Variants in PCDHA6 observed in about 807,000 individuals in gnomAD.
PCDHA6 encodes the protein protocadherin alpha-6.
In PCDHA6, 55 loss-of-function variants were observed where a neutral mutation model predicts 60.3. That is an observed-to-expected ratio of 0.91 (90% confidence interval 0.73 to 1.14). The LOEUF (loss-of-function observed/expected upper bound fraction) is 1.14. Among genes scored for constraint, PCDHA6 ranks in the 50% most tolerant of loss-of-function variants. PCDHA6 has a pLI of 0.00. For missense variants in PCDHA6, 1,327 were observed against 1,256.5 expected (o/e 1.06, Z -0.85); for synonymous variants, 652 against 557.9 (o/e 1.17, Z -2.38).
chr5:140,885,051 A>G (rs2060446316), intron 1 of PCDHA6, among the ~76,000 whole-genome samples: 1 of 152,230 alleles, frequency 6.6e-6, no homozygotes, highest in Non-Finnish European at 1.5e-5. Context: ...TAATGTATAC[A>G]TATACCCACA....
At chr5:140,837,760 T>C (rs1554136627) in intron 1 of PCDHA6, among the ~76,000 whole-genome samples, 1 of 151,798 alleles carries the variant, frequency 6.6e-6, no homozygotes, top group African/African-American at 2.4e-5. Context: ...CACTGCAACC[T>C]GAAAGTCCTG....
chr5:140,885,556 G>A (rs1317413722), intron 1 of PCDHA6, among the ~76,000 whole-genome samples: 22 of 152,018 alleles, frequency 1.4e-4, no homozygotes, highest in African/African-American at 5.3e-4. Flanking sequence ...TTATTTCTAC[G>A]AAATTGATTG....
At chr5:140,902,914 G>A (rs560076660) in intron 1 of PCDHA6, among the ~76,000 whole-genome samples, 14 of 152,306 alleles carry the variant, frequency 9.2e-5, no homozygotes, top group African/African-American at 2.9e-4. Context: ...TGGCTGAGTA[G>A]TATTGCATGG....
At chr5:140,834,589 A>C (rs782018607) in intron 1 of PCDHA6, 8 of 1,614,090 alleles carry the variant, frequency 5.0e-6, no homozygotes, top group Non-Finnish European at 6.8e-6. Context: ...GCGGTGTGCA[A>C]ATTCCGTGGG....
At chr5:140,874,117 T>C (rs1349618614) in intron 1 of PCDHA6, among the ~76,000 whole-genome samples, 2 of 152,248 alleles carry the variant, frequency 1.3e-5, no homozygotes, top group Admixed American at 1.3e-4. Context: ...TAACGTTTTA[T>C]AGTTTATTTA....
chr5:140,852,579 TTTA>T, intron 1 of PCDHA6: 2 of 849,052 alleles, frequency 2.4e-6, no homozygotes, highest in African/African-American at 1.9e-5. Flanking sequence ...CCAAGGCTTT[TTTA>T]TTTTTTTTTT....
intron 1 of PCDHA6, among the ~76,000 whole-genome samples, chr5:140,948,721 A>G (rs1392170905): frequency 2.0e-5 from 3 of 151,530 alleles, no homozygotes; most frequent in African/African-American, 7.2e-5. Flanking sequence ...CTTTTTTATC[A>G]ATAAGTCTAG....
chr5:140,928,597 A>G (rs1554206042), intron 1 of PCDHA6: 1 of 1,614,226 alleles, frequency 6.2e-7, no homozygotes, highest in East Asian at 2.2e-5. Context: ...CCCAGTGGAA[A>G]TTGTGCCCCG....
intron 1 of PCDHA6, among the ~76,000 whole-genome samples, chr5:140,886,663 T>G (rs1164928390): frequency 6.6e-6 from 1 of 151,786 alleles, no homozygotes; most frequent in Non-Finnish European, 1.5e-5. Flanking sequence ...CTGTCTCTAC[T>G]AAAAATACAA....
chr5:140,842,996 A>C, intron 1 of PCDHA6: 1 of 1,594,948 alleles, frequency 6.3e-7, no homozygotes, highest in Non-Finnish European at 8.6e-7. Flanking sequence ...GCTGGACGAG[A>C]ATGACAACGC....
chr5:140,836,092 T>C, intron 1 of PCDHA6: 2 of 1,613,516 alleles, frequency 1.2e-6, no homozygotes, highest in South Asian at 1.1e-5. Context: ...GCGCCTCGGG[T>C]GGGTGGCACT....
chr5:140,875,172 C>A (rs999085761), intron 1 of PCDHA6: 1 of 386,866 alleles, frequency 2.6e-6, no homozygotes. Context: ...AAAGTCGAAA[C>A]ATTAGAATTA....
chr5:140,884,021 G>C, intron 1 of PCDHA6: 1 of 1,613,318 alleles, frequency 6.2e-7, no homozygotes, highest in Non-Finnish European at 8.5e-7. Flanking sequence ...GCCGCGGTCG[G>C]TGGGTGCAGG....
rs1047587407 is a variant in PCDHA6 at position 140,847,610 on chromosome 5, C to G, written c.2394+17125C>G. 4.0e-5 allele frequency: 6 copies of G among 149,370 alleles called. 1 individual carries two copies. The highest frequency in any genetic ancestry group is 1.5e-4 in the African/African-American group (6 of 40,758). 9.3% of individuals were successfully genotyped at this position (149,370 alleles called of 1,614,324 possible). On this transcript the variant is annotated intron_variant, in intron 1 of 3. Coordinates refer to ENST00000529310, the MANE Select transcript of PCDHA6 (RefSeq NM_018909.4). ...ATGAAATTAAAACATATTGTAATAACATTACACAAACTATATTGGAGACTA... is the reference window on the plus strand; with the variant it reads ...ATGAAATTAAAACATATTGTAATAAGATTACACAAACTATATTGGAGACTA...
chr5:140,852,729 T>C, intron 1 of PCDHA6: 1 of 983,952 alleles, frequency 1.0e-6, no homozygotes, highest in South Asian at 4.8e-5. Flanking sequence ...TTTTTCAAGT[T>C]TCATGTGCCA....
chr5:140,934,511 T>A (rs999288213), intron 1 of PCDHA6, among the ~76,000 whole-genome samples: 1 of 152,210 alleles, frequency 6.6e-6, no homozygotes, highest in African/African-American at 2.4e-5. Context: ...AAAGGGTCCA[T>A]AGACCACACT....
intron 1 of PCDHA6, chr5:140,870,911 A>C (rs782609021): frequency 6.2e-7 from 1 of 1,613,910 alleles, no homozygotes; most frequent in Non-Finnish European, 8.5e-7. Context: ...TCAGGCTACA[A>C]CGCGTGGCTT....
intron 1 of PCDHA6, among the ~76,000 whole-genome samples, chr5:140,937,898 T>C (rs11950543): frequency 0.02 from 2,906 of 145,270 alleles, 39 homozygotes; most frequent in East Asian, 0.058. Flanking sequence ...GGCGACAGAG[T>C]GAGACTCCGT....
At chr5:140,835,925 C>A (rs1375358248) in intron 1 of PCDHA6, 3 of 1,612,234 alleles carry the variant, frequency 1.9e-6, no homozygotes, top group Non-Finnish European at 2.5e-6. Flanking sequence ...ACGCGGAGAG[C>A]GGCAAGGTGT....
Sources: allele counts gnomAD v4.1 joint callset (sites outside exome capture counted in the v4.1 genomes callset), GRCh38; gene constraint gnomAD v4.1.1; transcripts MANE v1.5; gene names NCBI Gene and HGNC (gene_info 2026-07-23, HGNC 2026-07-21).